Variants in COL25A1 observed in about 807,000 individuals in gnomAD.
The protein encoded by COL25A1 is collagen alpha-1(XXV) chain.
In COL25A1, 103 loss-of-function variants were observed where a neutral mutation model predicts 128.4. The observed-to-expected ratio is 0.80, with a 90% confidence interval of 0.68 to 0.94. COL25A1 has a LOEUF of 0.94. COL25A1 is among the 40% of genes least tolerant of loss of function. The probability of loss-of-function intolerance (pLI) is 0.00; values close to 1 mark genes in which losing one functional copy is unlikely to be tolerated. For missense variants in COL25A1, 745 were observed against 840.0 expected (o/e 0.89, Z 1.40); for synonymous variants, 279 against 277.2 (o/e 1.01, Z -0.06).
chr4:109,175,409 T>C (rs577383928), intron 3 of COL25A1, among the ~76,000 whole-genome samples: 1 of 152,300 alleles, frequency 6.6e-6, no homozygotes, highest in South Asian at 2.1e-4. Flanking sequence ...CTTTAACTAG[T>C]GTACATTAGC....
At chr4:108,828,958 T>G (rs1732726775) in intron 32 of COL25A1, among the ~76,000 whole-genome samples, 1 of 152,178 alleles carries the variant, frequency 6.6e-6, no homozygotes, top group South Asian at 2.1e-4. Flanking sequence ...TGGAACTAAT[T>G]AACACTGTCA....
chr4:108,941,956 A>G (rs1748158230), intron 8 of COL25A1, among the ~76,000 whole-genome samples: 1 of 152,218 alleles, frequency 6.6e-6, no homozygotes, highest in African/African-American at 2.4e-5. Context: ...AAGGCGTGGC[A>G]TGGTTCTAGA....
intron 3 of COL25A1, among the ~76,000 whole-genome samples, chr4:109,181,460 A>G (rs1397347700): frequency 6.6e-6 from 1 of 152,188 alleles, no homozygotes; most frequent in Non-Finnish European, 1.5e-5. Context: ...ATTTCTATGT[A>G]AAGATATCAG....
At position 109,135,975 on chromosome 4, in the gene COL25A1, C is replaced by T. The variant is rs527818866; in HGVS notation, c.368-85796G>A. On this transcript the variant is annotated intron_variant, in intron 3 of 37. Coordinates refer to ENST00000399132, the MANE Select transcript of COL25A1 (RefSeq NM_198721.4). ...CAACAAGCACATAGTCTCACATATACGGCATAAGCATCTTGGTATTCATTT... is the reference window on the plus strand; with the variant it reads ...CAACAAGCACATAGTCTCACATATATGGCATAAGCATCTTGGTATTCATTT... Among the ~76,000 whole-genome samples the T allele has an allele frequency of 2.3e-4, 35 of 152,304 alleles. No individual in the cohort carries two copies. The South Asian group carries it at 7.2e-3, about 32-fold the overall frequency.
At chr4:109,132,292 G>A (rs1769288433) in intron 3 of COL25A1, among the ~76,000 whole-genome samples, 1 of 151,912 alleles carries the variant, frequency 6.6e-6, no homozygotes, top group Non-Finnish European at 1.5e-5. Context: ...ACTTTCTTTT[G>A]TTTATTATGA....
chr4:108,861,763 G>A (rs1737251184), intron 22 of COL25A1, among the ~76,000 whole-genome samples: 1 of 151,510 alleles, frequency 6.6e-6, no homozygotes, highest in Admixed American at 6.6e-5. Context: ...CTTTAAAACA[G>A]CCTTAAATTG....
At chr4:109,009,665 T>C (rs1417470836) in intron 6 of COL25A1, among the ~76,000 whole-genome samples, 1 of 152,204 alleles carries the variant, frequency 6.6e-6, no homozygotes. Context: ...AAGTAAAACA[T>C]TAATAACTGC....
intron 3 of COL25A1, among the ~76,000 whole-genome samples, chr4:109,058,790 G>T (rs549593485): frequency 8.6e-4 from 131 of 152,272 alleles, no homozygotes; most frequent in African/African-American, 2.9e-3. Flanking sequence ...ATATTTAAGC[G>T]GGTGCTAAAT....
At chr4:108,866,068 T>G (rs559730071) in intron 20 of COL25A1, among the ~76,000 whole-genome samples, 1 of 152,360 alleles carries the variant, frequency 6.6e-6, no homozygotes, top group Non-Finnish European at 1.5e-5. Flanking sequence ...TAGAAACTGT[T>G]GCTGTTGCAT....
At chr4:109,230,915 C>T (rs990788595) in intron 3 of COL25A1, among the ~76,000 whole-genome samples, 10 of 152,084 alleles carry the variant, frequency 6.6e-5, no homozygotes, top group East Asian at 5.8e-4. Context: ...CTGAGGTGGG[C>T]GAATCATGAG....
At chr4:109,226,881 CA>C (rs1214600407) in intron 3 of COL25A1, among the ~76,000 whole-genome samples, 1 of 151,894 alleles carries the variant, frequency 6.6e-6, no homozygotes, top group Admixed American at 6.6e-5. Context: ...GGTATAGTAA[CA>C]ATAGTTGCAT....
intron 13 of COL25A1, among the ~76,000 whole-genome samples, chr4:108,907,886 T>G (rs570770262): frequency 6.6e-6 from 1 of 152,214 alleles, no homozygotes; most frequent in Non-Finnish European, 1.5e-5. Context: ...TTAGATGTAC[T>G]GAACTTCCAG....
chr4:108,907,814 TA>T (rs66537105), intron 13 of COL25A1, among the ~76,000 whole-genome samples: 72,741 of 152,022 alleles, frequency 0.48, 19,690 homozygotes, highest in East Asian at 0.93. Context: ...TTTAGGACAC[TA>T]ATACCAGCCT....
intron 3 of COL25A1, among the ~76,000 whole-genome samples, chr4:109,111,317 C>G (rs533817539): frequency 4.6e-5 from 7 of 152,312 alleles, no homozygotes; most frequent in Non-Finnish European, 1.5e-5. Context: ...AGTCATTTCT[C>G]AGTTGTTCTT....
chr4:109,275,391 T>C (rs1324786627), intron 3 of COL25A1, among the ~76,000 whole-genome samples: 1 of 152,158 alleles, frequency 6.6e-6, no homozygotes, highest in African/African-American at 2.4e-5. Flanking sequence ...AAAAAGTTCA[T>C]CTCTAGCTAT....
chr4:109,099,860 T>C (rs1439726563), intron 3 of COL25A1, among the ~76,000 whole-genome samples: 1 of 152,128 alleles, frequency 6.6e-6, no homozygotes, highest in Non-Finnish European at 1.5e-5. Context: ...ATTTTAAAAC[T>C]ATTTGAACTG....
intron 3 of COL25A1, among the ~76,000 whole-genome samples, chr4:109,143,949 T>C (rs1469321335): frequency 2.0e-5 from 3 of 152,030 alleles, no homozygotes; most frequent in Non-Finnish European, 4.4e-5. Flanking sequence ...TGGCAAGGAG[T>C]TGTGATCCTT....
At chr4:108,925,961 A>C (rs959785121) in intron 11 of COL25A1, among the ~76,000 whole-genome samples, 6 of 152,220 alleles carry the variant, frequency 3.9e-5, no homozygotes, top group African/African-American at 1.4e-4. Flanking sequence ...AGTAGATAGA[A>C]TTATCAACCC....
intron 3 of COL25A1, among the ~76,000 whole-genome samples, chr4:109,140,244 T>C (rs1434582889): frequency 3.3e-5 from 5 of 152,118 alleles, no homozygotes; most frequent in African/African-American, 1.2e-4. Context: ...TGAGGAATTG[T>C]GTGTGGTGTT....
Sources: allele counts gnomAD v4.1 joint callset (sites outside exome capture counted in the v4.1 genomes callset), GRCh38; gene constraint gnomAD v4.1.1; transcripts MANE v1.5; gene names NCBI Gene and HGNC (gene_info 2026-07-23, HGNC 2026-07-21).